Variants in PPM1E observed in about 807,000 individuals in gnomAD.
PPM1E encodes the protein protein phosphatase, Mg2+/Mn2+ dependent 1E.
A neutral mutation model predicts 65.9 loss-of-function variants in PPM1E; 20 were observed. The observed-to-expected ratio is 0.30, with a 90% CI of 0.21 to 0.44. The LOEUF (loss-of-function observed/expected upper bound fraction) is 0.44. PPM1E is among the 20% of genes least tolerant of loss of function. The pLI is 1.00. For missense variants in PPM1E, 713 were observed against 953.1 expected (o/e 0.75, Z 3.32); for synonymous variants, 352 against 374.9 (o/e 0.94, Z 0.70).
rs370280754 is a variant in PPM1E, at chr17:58,811,816, G to A, written c.464+55355G>A. Among the ~76,000 whole-genome samples the A allele has an allele frequency of 5.3e-4, 80 of 152,016 alleles. 1 individual carries two copies. The South Asian group carries it at 6.6e-3, about 13-fold the overall frequency. Reference sequence around the variant, plus strand: ...CTCCCGAGTAGCTGGGACTATAGGCGTGTGCCACCATGCCCAGATAATTTT... The same window carrying A: ...CTCCCGAGTAGCTGGGACTATAGGCATGTGCCACCATGCCCAGATAATTTT... On this transcript the variant is annotated intron_variant, in intron 1 of 6. Coordinates refer to ENST00000308249, the MANE Select transcript of PPM1E (RefSeq NM_014906.5).
At chr17:58,974,189 T>C (rs1464860346) in intron 6 of PPM1E, among the ~76,000 whole-genome samples, 1 of 152,142 alleles carries the variant, frequency 6.6e-6, no homozygotes, top group Non-Finnish European at 1.5e-5. Flanking sequence ...CAAATCAGTA[T>C]TTTTCAGAGA....
At chr17:58,901,892 C>T (rs975383805) in intron 1 of PPM1E, among the ~76,000 whole-genome samples, 7 of 152,064 alleles carry the variant, frequency 4.6e-5, no homozygotes, top group African/African-American at 1.7e-4. Flanking sequence ...ATGAGAATTG[C>T]TTGAACCCAT....
chr17:58,864,302 T>C (rs2050975117), intron 1 of PPM1E, among the ~76,000 whole-genome samples: 1 of 152,196 alleles, frequency 6.6e-6, no homozygotes, highest in Non-Finnish European at 1.5e-5. Context: ...GAGCTGAGGT[T>C]GCTTTTGGAA....
chr17:58,852,176 G>T (rs574810870), intron 1 of PPM1E, among the ~76,000 whole-genome samples: 15 of 152,168 alleles, frequency 9.9e-5, no homozygotes, highest in African/African-American at 3.6e-4. Context: ...GGTACCATCT[G>T]TCACGGCTTC....
chr17:58,805,961 C>CAAAAAAAAAAA (rs71367632), intron 1 of PPM1E, among the ~76,000 whole-genome samples: 30 of 69,780 alleles, frequency 4.3e-4, no homozygotes, highest in East Asian at 7.7e-4. Context: ...AAAAAAAAAA[C>CAAAAAAAAAAA]AAAAAAAAAA....
At chr17:58,866,966 G>T (rs1041829323) in intron 1 of PPM1E, among the ~76,000 whole-genome samples, 1 of 152,100 alleles carries the variant, frequency 6.6e-6, no homozygotes, top group Non-Finnish European at 1.5e-5. Flanking sequence ...TCTTAGAGGA[G>T]CCAAATTGGG....
intron 1 of PPM1E, among the ~76,000 whole-genome samples, chr17:58,772,641 T>A (rs2049951716): frequency 6.6e-6 from 1 of 152,118 alleles, no homozygotes; most frequent in South Asian, 2.1e-4. Context: ...TGCAAAGGCA[T>A]GGAGATGAGA....
intron 1 of PPM1E, among the ~76,000 whole-genome samples, chr17:58,794,788 C>A (rs1373565381): frequency 6.6e-6 from 1 of 152,012 alleles, no homozygotes; most frequent in African/African-American, 2.4e-5. Flanking sequence ...GTATATACAC[C>A]ACATTTTCTT....
At chr17:58,760,890 A>G (rs553340432) in intron 1 of PPM1E, among the ~76,000 whole-genome samples, 38 of 152,212 alleles carry the variant, frequency 2.5e-4, no homozygotes, top group Non-Finnish European at 3.7e-4. Context: ...CAAGCTACAA[A>G]TTAGTCAAAG....
intron 1 of PPM1E, among the ~76,000 whole-genome samples, chr17:58,813,048 G>A (rs1469785383): frequency 1.3e-5 from 2 of 152,174 alleles, no homozygotes; most frequent in South Asian, 2.1e-4. Flanking sequence ...TGATGTGGCA[G>A]TGAGAGATGA....
At chr17:58,932,069 A>G (rs2051907231) in intron 1 of PPM1E, among the ~76,000 whole-genome samples, 1 of 152,194 alleles carries the variant, frequency 6.6e-6, no homozygotes, top group African/African-American at 2.4e-5. Context: ...TGAGGCCAGT[A>G]GTTTGAGACC....
At chr17:58,949,511 C>G (rs1436966045) in intron 1 of PPM1E, among the ~76,000 whole-genome samples, 1 of 152,002 alleles carries the variant, frequency 6.6e-6, no homozygotes, top group Non-Finnish European at 1.5e-5. Context: ...GAATTTTAAC[C>G]ATTTTACATT....
intron 1 of PPM1E, among the ~76,000 whole-genome samples, chr17:58,849,029 C>A (rs1598608643): frequency 1.3e-5 from 2 of 152,264 alleles, no homozygotes; most frequent in Admixed American, 6.5e-5. Context: ...GGAATTTATC[C>A]ATTTCTTCTA....
chr17:58,856,301 G>A (rs1425262890), intron 1 of PPM1E, among the ~76,000 whole-genome samples: 2 of 152,002 alleles, frequency 1.3e-5, no homozygotes, highest in Non-Finnish European at 2.9e-5. Context: ...ATGCAATGGC[G>A]CGATCTCTGC....
chr17:58,795,190 C>G (rs1348268776), intron 1 of PPM1E, among the ~76,000 whole-genome samples: 1 of 152,136 alleles, frequency 6.6e-6, no homozygotes, highest in Admixed American at 6.6e-5. Flanking sequence ...CCACGCCCAA[C>G]CTACATGTGT....
chr17:58,950,329 C>T (rs2052218359), intron 1 of PPM1E, among the ~76,000 whole-genome samples: 1 of 152,188 alleles, frequency 6.6e-6, no homozygotes, highest in Non-Finnish European at 1.5e-5. Flanking sequence ...CCATTGCACT[C>T]CAGCCTGGGC....
At chr17:58,833,106 T>C (rs895310622) in intron 1 of PPM1E, among the ~76,000 whole-genome samples, 1 of 151,886 alleles carries the variant, frequency 6.6e-6, no homozygotes, top group Non-Finnish European at 1.5e-5. Flanking sequence ...AGTTATTATA[T>C]ACAATCCTTA....
intron 1 of PPM1E, among the ~76,000 whole-genome samples, chr17:58,844,620 G>A (rs1372488951): frequency 6.6e-6 from 1 of 152,176 alleles, no homozygotes; most frequent in East Asian, 1.9e-4. Context: ...CCCACATGGG[G>A]CTTTTGAAGG....
At chr17:58,940,752 C>T (rs902058889) in intron 1 of PPM1E, among the ~76,000 whole-genome samples, 15 of 152,062 alleles carry the variant, frequency 9.9e-5, no homozygotes, top group African/African-American at 3.6e-4. Flanking sequence ...ATTACCCCAC[C>T]CAGGCTGGAG....
Sources: gnomAD v4.1 joint callset for allele counts (sites outside exome capture counted in the v4.1 genomes callset) on GRCh38, gnomAD v4.1.1 for gene constraint, MANE v1.5 for transcripts, NCBI Gene and HGNC (gene_info 2026-07-23, HGNC 2026-07-21) for gene names.